Variants in L3MBTL3 observed in about 807,000 individuals in gnomAD.
L3MBTL3 encodes the protein lethal(3)malignant brain tumor-like protein 3.
In L3MBTL3, 27 loss-of-function variants were observed where a neutral mutation model predicts 102.3. The ratio of observed to expected loss-of-function variants is 0.26; its 90% CI spans 0.19 to 0.36. The LOEUF (loss-of-function observed/expected upper bound fraction) is 0.36, where lower values mean the gene tolerates loss of function less well. L3MBTL3 is among the 10% of genes least tolerant of loss of function. The pLI is 1.00. For synonymous variants in L3MBTL3, 340 were observed against 320.9 expected, an observed-to-expected ratio of 1.06 and a Z score of -0.64; for missense variants, 798 against 955.3, an observed-to-expected ratio of 0.84 and a Z score of 2.17.
chr6:130,044,049 T>G (rs1435844504), intron 3 of L3MBTL3, among the ~76,000 whole-genome samples: 1 of 152,170 alleles, frequency 6.6e-6, no homozygotes, highest in African/African-American at 2.4e-5. Flanking sequence ...TTGCTTGCGC[T>G]GACATTCTCC....
intron 13 of L3MBTL3, among the ~76,000 whole-genome samples, chr6:130,076,886 G>A (rs534780174): frequency 2.4e-4 from 37 of 151,964 alleles, no homozygotes; most frequent in Admixed American, 5.9e-4. Context: ...TTTAAGTGGC[G>A]ACTTTGATCA....
chr6:130,034,925 C>T (rs1021956047), intron 2 of L3MBTL3, among the ~76,000 whole-genome samples: 13 of 152,202 alleles, frequency 8.5e-5, no homozygotes, highest in East Asian at 3.8e-4. Context: ...GTGAACCGTA[C>T]ACCTCCTCCT....
At chr6:130,039,944 G>T (rs1241492447) in intron 2 of L3MBTL3, among the ~76,000 whole-genome samples, 1 of 152,202 alleles carries the variant, frequency 6.6e-6, no homozygotes, top group Non-Finnish European at 1.5e-5. Context: ...CTTGACAGGT[G>T]GTGGTAGTTT....
intron 20 of L3MBTL3, among the ~76,000 whole-genome samples, chr6:130,124,504 TG>T (rs1167268841): frequency 6.6e-6 from 1 of 152,238 alleles, no homozygotes; most frequent in Non-Finnish European, 1.5e-5. Flanking sequence ...TCTTTTGTGA[TG>T]TTTTGCCTGG....
chr6:130,043,328 C>A lies in L3MBTL3; in HGVS notation c.102+527C>A, dbSNP rs1309326921. 3.3e-5 allele frequency among the ~76,000 whole-genome samples: 5 copies of A among 152,168 alleles called. No individual in the cohort carries two copies. The East Asian group carries it at 9.6e-4, about 29-fold the overall frequency. On this transcript the variant is annotated intron_variant, in intron 3 of 22. Transcript: ENST00000361794. ...TGACTTGTTCAAAATCGGGTTCTTC[C>A]TGTAAATCCGTCTGCCTAAGTATAG...
chr6:130,121,018 G>A, intron 20 of L3MBTL3, 60 bp downstream of exon 20: 1 of 1,018,574 alleles, frequency 9.8e-7, no homozygotes, highest in Non-Finnish European at 1.5e-6. Context: ...AACAATCAAA[G>A]CCTTAACTGG....
At chr6:130,116,100 A>G (rs902491389) in intron 19 of L3MBTL3, among the ~76,000 whole-genome samples, 2 of 152,164 alleles carry the variant, frequency 1.3e-5, no homozygotes, top group Non-Finnish European at 2.9e-5. Flanking sequence ...CCATTACTCT[A>G]AAAGCTATTT....
At chr6:130,084,383 G>A (rs1447448928) in intron 15 of L3MBTL3, among the ~76,000 whole-genome samples, 17 of 148,626 alleles carry the variant, frequency 1.1e-4, no homozygotes, top group Admixed American at 1.1e-3. Context: ...AATGTGTCAT[G>A]ATGAGCTTAT....
intron 2 of L3MBTL3, among the ~76,000 whole-genome samples, chr6:130,040,896 T>C (rs974729860): frequency 1.3e-5 from 2 of 152,234 alleles, no homozygotes; most frequent in African/African-American, 4.8e-5. Flanking sequence ...ATAATGGTCT[T>C]TAGTGAAATT....
chr6:130,131,193 T>C (rs1433912137), intron 20 of L3MBTL3, among the ~76,000 whole-genome samples: 3 of 151,564 alleles, frequency 2.0e-5, no homozygotes, highest in Non-Finnish European at 4.4e-5. Context: ...ATTTGTCTAG[T>C]AGAAATAAGC....
chr6:130,049,944 C>T, intron 5 of L3MBTL3, 114 bp downstream of exon 5: 1 of 1,308,650 alleles, frequency 7.6e-7, no homozygotes, highest in Non-Finnish European at 1.0e-6. Flanking sequence ...TAGCACCATC[C>T]ACCCAGTGGA....
At chr6:130,122,445 A>G (rs552380994) in intron 20 of L3MBTL3, among the ~76,000 whole-genome samples, 123 of 152,310 alleles carry the variant, frequency 8.1e-4, no homozygotes, top group Non-Finnish European at 1.4e-3. Flanking sequence ...GATCTTAGAC[A>G]TGTCATCACA....
rs12204262 is a variant in L3MBTL3 at position 130,075,056 on chromosome 6, A to G, written c.1245-3502A>G. ...AGTGTCAGTTAATAGGCTTGTCACT[A>G]TTTGGTTAAATTTGGGAAGCACTGG... On this transcript the variant is annotated intron_variant, in intron 13 of 22. Coordinates refer to ENST00000361794, the MANE Select transcript of L3MBTL3 (RefSeq NM_032438.4). 8.9e-3 allele frequency among the ~76,000 whole-genome samples: 1,348 copies of G among 152,194 alleles called. 10 individuals carry two copies. Among genetic ancestry groups the G allele is most frequent in the Non-Finnish European group, 0.015 (1,029 of 68,006 alleles).
intron 8 of L3MBTL3, among the ~76,000 whole-genome samples, chr6:130,056,582 A>G (rs1781524273): frequency 6.6e-6 from 1 of 152,212 alleles, no homozygotes; most frequent in South Asian, 2.1e-4. Context: ...GTGTCTTTTC[A>G]GAGATGACCT....
intron 20 of L3MBTL3, among the ~76,000 whole-genome samples, chr6:130,127,335 G>A (rs34044302): frequency 0.064 from 9,780 of 152,220 alleles, 456 homozygotes; most frequent in Non-Finnish European, 0.1. Flanking sequence ...GGGCATGGGG[G>A]AAGGTCAAAG....
At chr6:130,129,575 C>T (rs923302142) in intron 20 of L3MBTL3, among the ~76,000 whole-genome samples, 4 of 152,162 alleles carry the variant, frequency 2.6e-5, no homozygotes, top group South Asian at 2.1e-4. Context: ...GCACACAACC[C>T]GAAACCAAGT....
chr6:130,060,206 A>G (rs1014474650), intron 10 of L3MBTL3, 66 bp downstream of exon 10: 2 of 923,272 alleles, frequency 2.2e-6, no homozygotes, highest in African/African-American at 1.7e-5. Context: ...AAATGAGGAA[A>G]AACTGCCATT....
intron 20 of L3MBTL3, among the ~76,000 whole-genome samples, chr6:130,131,933 A>C (rs1477946695): frequency 6.6e-6 from 1 of 152,106 alleles, no homozygotes; most frequent in African/African-American, 2.4e-5. Context: ...TCATCCTGTG[A>C]CTTAGAATGC....
At chr6:130,097,360 A>G (rs1291252410) in intron 18 of L3MBTL3, among the ~76,000 whole-genome samples, 2 of 152,208 alleles carry the variant, frequency 1.3e-5, no homozygotes, top group Admixed American at 6.5e-5. Flanking sequence ...CAAAACATGC[A>G]CTCTTTGCAT....
Sources: allele counts gnomAD v4.1 joint callset (sites outside exome capture counted in the v4.1 genomes callset), GRCh38; gene constraint gnomAD v4.1.1; transcripts MANE v1.5; gene names NCBI Gene and HGNC (gene_info 2026-07-23, HGNC 2026-07-21).